The following ABI3BP variants were observed in gnomAD, a reference collection of about 807,000 sequenced individuals.
ABI3BP encodes the protein ABI family member 3 binding protein.
A neutral mutation model predicts 268.6 loss-of-function variants in ABI3BP; 216 were observed. That is an observed-to-expected ratio of 0.80 (90% CI 0.72 to 0.90). The LOEUF is 0.90. ABI3BP is among the 40% of genes least tolerant of loss of function. ABI3BP has a pLI of 0.00. For synonymous variants in ABI3BP, 730 were observed against 730.0 expected, an observed-to-expected ratio of 1.00 and a Z score of 0.00; for missense variants, 2,090 against 2,182.4, an observed-to-expected ratio of 0.96 and a Z score of 0.84.
chr3:100,755,141 G>C (rs1427500657), intron 63 of ABI3BP, among the ~76,000 whole-genome samples: 1 of 152,132 alleles, frequency 6.6e-6, no homozygotes, highest in Non-Finnish European at 1.5e-5. Context: ...CTTTCTCACT[G>C]TGGAGTTTGA....
chr3:100,977,216 A>G (rs528106898), intron 1 of ABI3BP, among the ~76,000 whole-genome samples: 14 of 152,322 alleles, frequency 9.2e-5, no homozygotes, highest in Non-Finnish European at 1.6e-4. Flanking sequence ...TTCCATTTAA[A>G]TAGTCCTTTA....
chr3:100,875,157 CAG>C (rs2099147999), intron 8 of ABI3BP, among the ~76,000 whole-genome samples: 1 of 152,180 alleles, frequency 6.6e-6, no homozygotes, highest in Non-Finnish European at 1.5e-5. Flanking sequence ...TTTTAATCCA[CAG>C]ACTCAAAAAT....
Position 100,839,560 on chromosome 3 carries a change from T to C in ABI3BP, c.1945+9A>G, listed in dbSNP as rs12633543. On this transcript the variant is annotated intron_variant, in intron 24 of 67. Transcript: ENST00000471714. Reference sequence around the variant, plus strand: ...GTGAAAGCAGCCGTGGTGGAGGGAGTAGAATTACCAGTTGTGGGCACCAAG... The same window carrying C: ...GTGAAAGCAGCCGTGGTGGAGGGAGCAGAATTACCAGTTGTGGGCACCAAG... 8,341 of 1,535,152 alleles carry C rather than the reference T, an allele frequency of 5.4e-3. 651 individuals carry two copies. In the East Asian group the frequency reaches 0.17, roughly 31 times the overall value.
At chr3:100,974,847 A>G (rs2085323800) in intron 1 of ABI3BP, among the ~76,000 whole-genome samples, 1 of 152,196 alleles carries the variant, frequency 6.6e-6, no homozygotes, top group Non-Finnish European at 1.5e-5. Context: ...AGTAATGTCA[A>G]AATAAGTCAC....
At chr3:100,901,779 A>G (rs2050521796) in intron 3 of ABI3BP, among the ~76,000 whole-genome samples, 1 of 152,080 alleles carries the variant, frequency 6.6e-6, no homozygotes, top group Admixed American at 6.5e-5. Flanking sequence ...GAAAAAAAAA[A>G]AAAAGAAAAG....
intron 4 of ABI3BP, among the ~76,000 whole-genome samples, chr3:100,889,631 C>G (rs181612624): frequency 6.6e-6 from 1 of 152,214 alleles, no homozygotes; most frequent in African/African-American, 2.4e-5. Flanking sequence ...TCAGACTAGA[C>G]TTCTAGAAAG....
At position 100,796,413 on chromosome 3, in the gene ABI3BP, T is replaced by C. The variant is rs767665472; in HGVS notation, c.3813A>G (p.Glu1271=). 2.5e-6 allele frequency: 4 copies of C among 1,588,940 alleles called. No homozygotes were observed. Among genetic ancestry groups the C allele is most frequent in the Non-Finnish European group, 3.4e-6 (4 of 1,169,074 alleles). ...AGGATGAAATAATTAATTTACCAGG[T>C]TCGCTCTGAGAGACCTCAGGGTATG... ...HKPYPEVSQS[E]PVLQPVTFRF... The change falls in exon 52 of 68, where the codon GAA becomes GAG. Residue 1271 remains glutamate (E), a synonymous_variant. Transcript: ENST00000471714.
At chr3:100,948,429 C>T (rs1395238591) in intron 1 of ABI3BP, among the ~76,000 whole-genome samples, 1 of 152,176 alleles carries the variant, frequency 6.6e-6, no homozygotes, top group Non-Finnish European at 1.5e-5. Context: ...AAATGGAATT[C>T]GATCCATACA....
At position 100,808,098 on chromosome 3, in the gene ABI3BP, A is replaced by G. The variant is rs569407969; in HGVS notation, c.3682+63T>C. ...CTGCTATCATAACTATTAATGAACAATTTGCTAGAATAACCCCACTAACCT... is the reference window on the plus strand; with the variant it reads ...CTGCTATCATAACTATTAATGAACAGTTTGCTAGAATAACCCCACTAACCT... On this transcript the variant is annotated intron_variant, in intron 50 of 67. Transcript: ENST00000471714. 9 of 1,422,934 alleles carry G rather than the reference A, an allele frequency of 6.3e-6. No homozygotes were observed. The East Asian group carries it at 1.2e-4, about 19-fold the overall frequency. 88.1% of individuals were successfully genotyped at this position (1,422,934 alleles called of 1,614,324 possible).
Position 100,848,829 on chromosome 3 carries a change from G to T in ABI3BP, c.1548C>A (p.Pro516=), listed in dbSNP as rs376962580. The T allele has an allele frequency of 6.2e-7, 1 of 1,613,276 alleles. No homozygotes were observed. The highest frequency in any genetic ancestry group is 1.3e-5 in the African/African-American group (1 of 74,896). The change falls in exon 18 of 68, where the codon CCC becomes CCA. Residue 516 remains proline (P), a synonymous_variant. Transcript: ENST00000471714. ...GTTTGGTTCTTGGCGGTTTGGGCCG[G>T]GGGCGTCGTTTAGGTGTAGAAGGGA... The part of the protein sequence containing the change: ...TSIPSTPKRR[P]RPKPPRTKPE...
At chr3:100,973,252 T>A (rs571022492) in intron 1 of ABI3BP, among the ~76,000 whole-genome samples, 3 of 152,278 alleles carry the variant, frequency 2.0e-5, no homozygotes, top group Admixed American at 2.0e-4. Flanking sequence ...AAGTAAGGCA[T>A]CTTTAAACAG....
At chr3:100,923,857 AGGT>A (rs1210581480) in intron 2 of ABI3BP, among the ~76,000 whole-genome samples, 1 of 152,202 alleles carries the variant, frequency 6.6e-6, no homozygotes, top group Non-Finnish European at 1.5e-5. Flanking sequence ...TAAAACCATT[AGGT>A]GAAAATTTGA....
chr3:100,840,979 G>T, intron 21 of ABI3BP, 121 bp from the exon 22 acceptor site: 1 of 750,464 alleles, frequency 1.3e-6, no homozygotes. Flanking sequence ...AAATGGTGAA[G>T]CTTTTATCCA....
chr3:100,822,697 C>A (rs1404063648), intron 37 of ABI3BP, 25 bp from the exon 38 acceptor site: 3 of 1,523,260 alleles, frequency 2.0e-6, no homozygotes, highest in Non-Finnish European at 2.6e-6. Flanking sequence ...TCTTGGGTTA[C>A]AACATAACTG....
chr3:100,951,048 C>G (rs1263927308), intron 1 of ABI3BP, among the ~76,000 whole-genome samples: 1 of 151,926 alleles, frequency 6.6e-6, no homozygotes, highest in Non-Finnish European at 1.5e-5. Flanking sequence ...AACAAAATAT[C>G]TATTATTTCC....
intron 1 of ABI3BP, among the ~76,000 whole-genome samples, chr3:100,953,529 C>CA (rs1043433725): frequency 6.6e-6 from 1 of 151,862 alleles, no homozygotes; most frequent in Non-Finnish European, 1.5e-5. Context: ...GAGCTATATG[C>CA]AAAAAATTAC....
At chr3:100,849,249 CAG>C (rs1258617865) in intron 17 of ABI3BP, among the ~76,000 whole-genome samples, 2 of 113,976 alleles carry the variant, frequency 1.8e-5, no homozygotes, top group Non-Finnish European at 3.5e-5. Context: ...TTTTTGGAGA[CAG>C]AGTCTCACTC....
At chr3:100,771,130 T>C (rs2096533147) in intron 61 of ABI3BP, among the ~76,000 whole-genome samples, 178 bp from the exon 62 acceptor site, 2 of 152,308 alleles carry the variant, frequency 1.3e-5, no homozygotes, top group South Asian at 4.1e-4. Flanking sequence ...AGATACGTGA[T>C]ATAGGGTGGT....
rs1435663842 is a variant in ABI3BP, at chr3:100,765,924, A to C, written c.4767T>G (p.Asn1589Lys). The C allele has an allele frequency of 6.2e-7, 1 of 1,612,098 alleles. No homozygotes were observed. Among genetic ancestry groups the C allele is most frequent in the Non-Finnish European group, 8.5e-7 (1 of 1,178,844 alleles). Residue 1589 changes from asparagine (N) to lysine (K), a missense_variant, in exon 63 of 68, where the codon AAT becomes AAG. Asn to Lys is a moderately conservative substitution (Grantham distance 94). Transcript: ENST00000471714. Reference protein sequence around the residue: ...VTEYEVISRENGSFSGKNKSI... With the variant: ...VTEYEVISREKGSFSGKNKSI... The stretch of plus-strand genomic sequence containing the variant: ...ACTTGTTCTTCCCACTGAATGACCC[A>C]TTTTCTCTGGATATAACTTCATATT...
Sources: gnomAD v4.1 joint callset for allele counts (sites outside exome capture counted in the v4.1 genomes callset) on GRCh38, gnomAD v4.1.1 for gene constraint, MANE v1.5 for transcripts, NCBI Gene and HGNC (gene_info 2026-07-23, HGNC 2026-07-21) for gene names.